Variants in CHIC2 observed in about 807,000 individuals in gnomAD.
CHIC2 encodes the protein cysteine-rich hydrophobic domain-containing protein 2.
Under a neutral mutation model 25.9 loss-of-function variants are expected in CHIC2, and 14 were observed. That is an observed-to-expected ratio of 0.54 (90% CI 0.36 to 0.85). CHIC2 has a LOEUF of 0.85. Among genes scored for constraint, CHIC2 ranks in the 40% least tolerant of loss-of-function variants. The pLI, the probability that CHIC2 is intolerant of heterozygous loss-of-function variation, is 0.01. For missense variants in CHIC2, 146 were observed against 202.0 expected (o/e 0.72, Z 1.68); for synonymous variants, 70 against 72.0 (o/e 0.97, Z 0.14).
At chr4:54,076,871 T>C in the CHIC2 span, 1 of 152,332 alleles carries the variant, frequency 6.6e-6, no homozygotes, top group East Asian at 1.9e-4. Context: ...AAGAATGTTT[T>C]GGGATTGAGT....
At chr4:54,087,189 G>C in the CHIC2 span, 2 of 700,434 alleles carry the variant, frequency 2.9e-6, no homozygotes, top group Non-Finnish European at 5.2e-6. Context: ...TATGGGGGCA[G>C]TACCAGCAAA....
chr4:54,082,084 G>A, the CHIC2 span, among the ~76,000 whole-genome samples: 2 of 152,210 alleles, frequency 1.3e-5, no homozygotes, highest in Non-Finnish European at 2.9e-5. Context: ...GATAGGTAAG[G>A]AAGTGACTGA....
intron 1 of CHIC2, among the ~76,000 whole-genome samples, chr4:54,051,576 G>C (rs1239890268): frequency 6.6e-6 from 1 of 151,884 alleles, no homozygotes; most frequent in Non-Finnish European, 1.5e-5. Flanking sequence ...AAAATGTCAT[G>C]GAATATAAAC....
chr4:54,078,609 G>A, the CHIC2 span, among the ~76,000 whole-genome samples: 4 of 152,024 alleles, frequency 2.6e-5, no homozygotes, highest in South Asian at 8.3e-4. Flanking sequence ...TCCGCCTCCT[G>A]GGTTCAAGCG....
Position 54,064,021 on chromosome 4 carries a change from G to A in CHIC2, c.119+161C>T, listed in dbSNP as rs1389376342. ...GGACAGCGTCCGTCCCCACTTCGGA[G>A]ACCCAAACAAATGAAAATAAGCCAA... On this transcript the variant is annotated intron_variant, in intron 1 of 5. Coordinates refer to ENST00000263921, the MANE Select transcript of CHIC2 (RefSeq NM_012110.4). This position sits in a 1 kb window ranked among gnomAD's most constrained non-coding sequence, Gnocchi z 4.2. 1.3e-5 allele frequency among the ~76,000 whole-genome samples: 2 copies of A among 152,230 alleles called. No individual in the cohort carries two copies. Among genetic ancestry groups the A allele is most frequent in the Non-Finnish European group, 2.9e-5 (2 of 68,040 alleles).
chr4:54,032,883 A>G (rs576068090), intron 3 of CHIC2, among the ~76,000 whole-genome samples: 31 of 152,260 alleles, frequency 2.0e-4, no homozygotes, highest in African/African-American at 7.5e-4. Flanking sequence ...TCATGTTGAA[A>G]TGTAATCCCC....
chr4:54,029,827 T>C (rs1211039582), intron 3 of CHIC2, among the ~76,000 whole-genome samples: 1 of 152,218 alleles, frequency 6.6e-6, no homozygotes. Context: ...CATATACCAA[T>C]ATTCTTAGCT....
the CHIC2 span, among the ~76,000 whole-genome samples, chr4:54,074,087 G>A: frequency 6.6e-6 from 1 of 152,052 alleles, no homozygotes; most frequent in African/African-American, 2.4e-5. Flanking sequence ...GAACCCGGGA[G>A]GCGGAGGTTG....
chr4:54,049,136 A>G (rs752500815), intron 2 of CHIC2, 26 bp from the exon 3 acceptor site: 6 of 1,587,108 alleles, frequency 3.8e-6, no homozygotes, highest in Non-Finnish European at 3.4e-6. Flanking sequence ...AAGAAATAAT[A>G]ACAATGCAAT....
intron 3 of CHIC2, among the ~76,000 whole-genome samples, chr4:54,034,548 C>G (rs540909546): frequency 6.6e-6 from 1 of 152,074 alleles, no homozygotes; most frequent in Non-Finnish European, 1.5e-5. Context: ...TCTGTAAGTA[C>G]CTAGCATTTT....
chr4:54,042,661 G>C (rs1188439500), intron 3 of CHIC2, among the ~76,000 whole-genome samples: 2 of 152,100 alleles, frequency 1.3e-5, no homozygotes, highest in African/African-American at 4.8e-5. Context: ...CATAGCAGAA[G>C]GGAGTGAGGG....
At chr4:54,091,612 C>A in the CHIC2 span, among the ~76,000 whole-genome samples, 1 of 152,194 alleles carries the variant, frequency 6.6e-6, no homozygotes, top group Non-Finnish European at 1.5e-5. Flanking sequence ...GATGGGTGCA[C>A]CAAAATCTCA....
chr4:54,014,007 T>C (rs1715668443), intron 4 of CHIC2, 56 bp downstream of exon 4: 2 of 1,601,916 alleles, frequency 1.2e-6, no homozygotes, highest in African/African-American at 2.7e-5. Flanking sequence ...AGCATCTGTT[T>C]CCATACTGTG....
chr4:54,024,589 C>T (rs1480713637), intron 3 of CHIC2, among the ~76,000 whole-genome samples: 1 of 151,896 alleles, frequency 6.6e-6, no homozygotes, highest in African/African-American at 2.4e-5. Context: ...TTACTCACTG[C>T]TAAAAAAAGG....
At chr4:54,058,485 A>G (rs1717238374) in intron 1 of CHIC2, among the ~76,000 whole-genome samples, 1 of 151,830 alleles carries the variant, frequency 6.6e-6, no homozygotes, top group Non-Finnish European at 1.5e-5. Context: ...CCAAAAATAA[A>G]AATCCCTAGA....
intron 3 of CHIC2, among the ~76,000 whole-genome samples, chr4:54,019,996 C>T (rs1715850594): frequency 6.6e-6 from 1 of 152,138 alleles, no homozygotes; most frequent in Admixed American, 6.5e-5. Context: ...AAAGGAATTT[C>T]ACTATGCAAA....
intron 5 of CHIC2, among the ~76,000 whole-genome samples, chr4:54,012,932 CTG>C (rs1383625855): frequency 2.6e-5 from 4 of 152,088 alleles, no homozygotes; most frequent in South Asian, 2.1e-4. Flanking sequence ...CAACTAAACA[CTG>C]TTTTAATCAA....
chr4:54,067,294 GTC>G (rs893406231), upstream of CHIC2, among the ~76,000 whole-genome samples: 5 of 41,408 alleles, frequency 1.2e-4, no homozygotes, highest in Admixed American at 3.6e-4. Flanking sequence ...GTGTGTGTGT[GTC>G]TGTGTGTGTG....
chr4:54,091,230 C>T, the CHIC2 span, among the ~76,000 whole-genome samples: 2 of 152,164 alleles, frequency 1.3e-5, no homozygotes, highest in Non-Finnish European at 2.9e-5. Context: ...CTTTCTGGCT[C>T]GCTGAGTGAC....
Sources: gnomAD v4.1 joint callset for allele counts (sites outside exome capture counted in the v4.1 genomes callset) on GRCh38, gnomAD v4.1.1 for gene constraint, Gnocchi (gnomAD v3.1) non-coding constraint, MANE v1.5 for transcripts, NCBI Gene and HGNC (gene_info 2026-07-23, HGNC 2026-07-21) for gene names.